Variants in MYO5B observed in about 807,000 individuals in gnomAD.
MYO5B encodes unconventional myosin-Vb.
Under a neutral mutation model 229.3 loss-of-function variants are expected in MYO5B, and 143 were observed. That is an observed-to-expected ratio of 0.62 (90% confidence interval 0.54 to 0.72). The LOEUF is 0.72. Ranked by LOEUF, MYO5B falls within the 30% of genes least tolerant of loss-of-function variation. The probability of loss-of-function intolerance (pLI) is 0.00; values close to 1 mark genes in which losing one functional copy is unlikely to be tolerated. For synonymous variants in MYO5B, 918 were observed against 885.2 expected, an observed-to-expected ratio of 1.04 and a Z score of -0.66; for missense variants, 2,321 against 2,331.0, an observed-to-expected ratio of 1.00 and a Z score of 0.09.
At chr18:50,054,713 C>T (rs781149217) in intron 2 of MYO5B, among the ~76,000 whole-genome samples, 11 of 152,190 alleles carry the variant, frequency 7.2e-5, no homozygotes, top group Non-Finnish European at 1.5e-4. Flanking sequence ...ACTACAGCAG[C>T]TAACACATAG....
intron 39 of MYO5B, among the ~76,000 whole-genome samples, chr18:49,828,960 C>G (rs760900052): frequency 4.1e-4 from 62 of 149,600 alleles, no homozygotes; most frequent in Non-Finnish European, 7.1e-4. Context: ...CTTAAGGAAT[C>G]AGAAAAAGAG....
intron 1 of MYO5B, among the ~76,000 whole-genome samples, chr18:50,087,804 C>T (rs116415054): frequency 0.013 from 1,953 of 152,146 alleles, 34 homozygotes; most frequent in African/African-American, 0.045. Context: ...TCCCAAAGAG[C>T]TCAGGTCTCC....
chr18:49,986,619 G>C (rs1166197588), intron 7 of MYO5B, among the ~76,000 whole-genome samples: 1 of 152,214 alleles, frequency 6.6e-6, no homozygotes, highest in Non-Finnish European at 1.5e-5. Flanking sequence ...TCAGATCTTT[G>C]TAGAAGACAG....
intron 3 of MYO5B, among the ~76,000 whole-genome samples, chr18:50,039,472 C>T (rs1160342374): frequency 6.6e-6 from 1 of 152,060 alleles, no homozygotes; most frequent in African/African-American, 2.4e-5. Context: ...GCTGGGACTA[C>T]AGGCGCCCGC....
chr18:49,865,835 C>CT (rs1183781007), intron 27 of MYO5B, among the ~76,000 whole-genome samples: 1 of 152,188 alleles, frequency 6.6e-6, no homozygotes, highest in Non-Finnish European at 1.5e-5. Context: ...TCAAGGATTT[C>CT]TACCCAGGGC....
chr18:50,143,011 C>G (rs116970430), intron 1 of MYO5B, among the ~76,000 whole-genome samples: 1 of 152,220 alleles, frequency 6.6e-6, no homozygotes, highest in Non-Finnish European at 1.5e-5. Context: ...AAAACGCCAT[C>G]ACTTCTTCAC....
chr18:50,122,463 C>CAAAAAAAAAAAAAA (rs2032076020), intron 1 of MYO5B, among the ~76,000 whole-genome samples: 3 of 24,656 alleles, frequency 1.2e-4, no homozygotes, highest in Admixed American at 4.8e-4. Flanking sequence ...AAAAAAAAAT[C>CAAAAAAAAAAAAAA]AGCCAGGTGT....
chr18:50,077,168 T>TGAAAAAA (rs1491407015), intron 1 of MYO5B, among the ~76,000 whole-genome samples: 1 of 81,232 alleles, frequency 1.2e-5, no homozygotes, highest in Admixed American at 1.6e-4. Flanking sequence ...TGTGGCAAAG[T>TGAAAAAA]AAAAAAAAAA....
At chr18:49,940,214 C>T (rs1790793) in intron 14 of MYO5B, among the ~76,000 whole-genome samples, 3 of 152,070 alleles carry the variant, frequency 2.0e-5, no homozygotes, top group Non-Finnish European at 4.4e-5. Context: ...ATCAAAACAA[C>T]GCAATGAGTA....
intron 1 of MYO5B, among the ~76,000 whole-genome samples, chr18:50,192,227 C>A (rs533572046): frequency 6.6e-6 from 1 of 152,304 alleles, no homozygotes; most frequent in South Asian, 2.1e-4. Flanking sequence ...TTGATGGATA[C>A]CAAAACTGCT....
chr18:49,918,219 C>T (rs1430784133), intron 17 of MYO5B, among the ~76,000 whole-genome samples: 1 of 152,222 alleles, frequency 6.6e-6, no homozygotes, highest in Non-Finnish European at 1.5e-5. Flanking sequence ...CTTGCAAGGG[C>T]CCCAATGGAC....
At chr18:50,133,999 T>A (rs72919889) in intron 1 of MYO5B, among the ~76,000 whole-genome samples, 1 of 152,080 alleles carries the variant, frequency 6.6e-6, no homozygotes, top group Non-Finnish European at 1.5e-5. Context: ...AAAGGTTTTT[T>A]AAAGATGGGA....
In MYO5B at chr18:49,922,392, A is replaced by G. The variant is rs561648725; in HGVS notation, c.2090+7120T>C. 7.2e-5 allele frequency among the ~76,000 whole-genome samples: 11 copies of G among 152,340 alleles called. No individual in the cohort carries two copies. The South Asian group carries it at 1.9e-3, about 26-fold the overall frequency. ...GGTGCTGAGTCAAAATATTACAGGT[A>G]TAAGAGCTTCCTGCCCTCTCACCGC... On this transcript the variant is annotated intron_variant, in intron 17 of 39. Coordinates refer to ENST00000285039, the MANE Select transcript of MYO5B (RefSeq NM_001080467.3).
At chr18:50,014,821 C>A (rs1191400965) in intron 4 of MYO5B, among the ~76,000 whole-genome samples, 1 of 152,182 alleles carries the variant, frequency 6.6e-6, no homozygotes, top group Non-Finnish European at 1.5e-5. Context: ...AATTTTTTAC[C>A]GCACAGCTCC....
At chr18:49,975,230 AGGTGGATG>A (rs1299367819) in intron 9 of MYO5B, among the ~76,000 whole-genome samples, 1 of 152,188 alleles carries the variant, frequency 6.6e-6, no homozygotes, top group Admixed American at 6.5e-5. Context: ...CAGGCTCCTA[AGGTGGATG>A]GGCCCTTCGA....
At chr18:50,179,076 A>G (rs2033037419) in intron 1 of MYO5B, among the ~76,000 whole-genome samples, 1 of 152,188 alleles carries the variant, frequency 6.6e-6, no homozygotes, top group Admixed American at 6.5e-5. Flanking sequence ...AATAAATGGC[A>G]AATCTTAGGG....
intron 1 of MYO5B, among the ~76,000 whole-genome samples, chr18:50,082,537 T>G (rs2031242085): frequency 1.3e-5 from 2 of 152,222 alleles, no homozygotes; most frequent in Admixed American, 1.3e-4. Context: ...AAAGGCTATC[T>G]GCGGATTGAT....
At chr18:49,902,940 T>C in intron 20 of MYO5B, 107 bp from the exon 21 acceptor site, 1 of 1,421,604 alleles carries the variant, frequency 7.0e-7, no homozygotes, top group South Asian at 1.2e-5. Context: ...CAGCCTTGGT[T>C]CTAGGAGTTA....
intron 1 of MYO5B, among the ~76,000 whole-genome samples, chr18:50,141,805 C>T (rs2032422325): frequency 6.6e-6 from 1 of 152,200 alleles, no homozygotes. Flanking sequence ...TAACAGAGAA[C>T]CAAGAAACAA....
Sources: gnomAD v4.1 joint callset for allele counts (sites outside exome capture counted in the v4.1 genomes callset) on GRCh38, gnomAD v4.1.1 for gene constraint, MANE v1.5 for transcripts, NCBI Gene and HGNC (gene_info 2026-07-23, HGNC 2026-07-21) for gene names.